The following EBF1 variants were observed in gnomAD, a reference collection of about 807,000 sequenced individuals.
The protein encoded by EBF1 is transcription factor COE1.
A neutral mutation model predicts 68.4 loss-of-function variants in EBF1; 10 were observed. That is an observed-to-expected ratio of 0.15 (90% CI 0.09 to 0.25). EBF1 has a LOEUF of 0.25. EBF1 is among the 10% of genes least tolerant of loss of function. The probability of loss-of-function intolerance (pLI) is 1.00; values close to 1 mark genes in which losing one functional copy is unlikely to be tolerated. For synonymous variants in EBF1, 298 were observed against 299.8 expected, an observed-to-expected ratio of 0.99 and a Z score of 0.06; for missense variants, 509 against 794.4, an observed-to-expected ratio of 0.64 and a Z score of 4.32.
chr5:158,828,001 G>A (rs1786579108), intron 7 of EBF1, among the ~76,000 whole-genome samples: 1 of 152,054 alleles, frequency 6.6e-6, no homozygotes, highest in South Asian at 2.1e-4. Flanking sequence ...CTGATACATG[G>A]TAACTCAGTA....
intron 8 of EBF1, among the ~76,000 whole-genome samples, chr5:158,808,115 C>T (rs926201165): frequency 6.6e-5 from 10 of 152,212 alleles, no homozygotes; most frequent in South Asian, 6.2e-4. Flanking sequence ...CAGATGTTTC[C>T]GTGGTGATGA....
intron 14 of EBF1, 133 bp from the exon 15 acceptor site, chr5:158,708,306 T>G (rs1226455217): frequency 3.5e-6 from 3 of 862,252 alleles, no homozygotes; most frequent in Non-Finnish European, 5.3e-6. Context: ...AAACCTTCCC[T>G]GAATTCGCAG....
rs374533175 is a variant in EBF1 at position 158,712,168 on chromosome 5, T to G, written c.1535A>C (p.Asn512Thr). 6.2e-7 allele frequency: 1 copy of G among 1,613,550 alleles called. No homozygotes were observed. Among genetic ancestry groups the G allele is most frequent in the Non-Finnish European group, 8.5e-7 (1 of 1,179,844 alleles). The change falls in exon 14 of 16, where the codon AAC becomes ACC. Residue 512 changes from asparagine to threonine, a missense_variant. By Grantham distance (65) the Asn-to-Thr change is moderately conservative. Around this residue, in one of 3 missense-constraint regions of EBF1, gnomAD observed 205 missense variants for 247.4 expected, o/e 0.83. Coordinates refer to ENST00000313708, the MANE Select transcript of EBF1 (RefSeq NM_024007.5). ...TCTCTACTTACTGGCATAGGGGGAG[T>G]TGGCAGCTGAGCCGTTGAGGAAGGT... The part of the protein sequence containing the change: ...SPTFLNGSAA[N>T]SPYAIVPSSP...
intron 10 of EBF1, among the ~76,000 whole-genome samples, chr5:158,765,967 CA>C (rs1280343133): frequency 6.6e-6 from 1 of 151,976 alleles, no homozygotes; most frequent in African/African-American, 2.4e-5. Context: ...CCCTGCCCTC[CA>C]AAAAAAGTTA....
intron 6 of EBF1, among the ~76,000 whole-genome samples, chr5:158,968,538 T>G (rs1490789197): frequency 6.6e-6 from 1 of 152,156 alleles, no homozygotes; most frequent in Non-Finnish European, 1.5e-5. Flanking sequence ...AGAGACAAAG[T>G]GGAACAGGCA....
At chr5:158,752,415 T>C (rs146995479) in intron 10 of EBF1, among the ~76,000 whole-genome samples, 3 of 151,072 alleles carry the variant, frequency 2.0e-5, no homozygotes, top group Non-Finnish European at 4.4e-5. Context: ...CAGAAAGCTT[T>C]AGAAATGGAG....
At position 158,774,353 on chromosome 5, in the gene EBF1, C is replaced by CT. The variant is rs374851684; in HGVS notation, c.1036+3059dup. On this transcript the variant is annotated intron_variant, in intron 10 of 15. Coordinates refer to ENST00000313708, the MANE Select transcript of EBF1 (RefSeq NM_024007.5). ...AGGCCATGCTGTTCCTGCCTTTTTT[C>CT]TTTTTTTTTAATGTTATGGACTTTT... 2.3e-4 allele frequency among the ~76,000 whole-genome samples: 35 copies of CT among 151,030 alleles called. 1 individual carries two copies. The highest frequency in any genetic ancestry group is 5.3e-4 in the Admixed American group (8 of 15,166).
At chr5:158,944,132 T>C (rs1814128718) in intron 6 of EBF1, among the ~76,000 whole-genome samples, 1 of 152,206 alleles carries the variant, frequency 6.6e-6, no homozygotes, top group South Asian at 2.1e-4. Flanking sequence ...GCAGGTTTGT[T>C]ACATAGGTAT....
intron 4 of EBF1, among the ~76,000 whole-genome samples, chr5:159,088,214 C>T (rs559715393): frequency 1.3e-4 from 20 of 152,200 alleles, no homozygotes; most frequent in East Asian, 7.7e-4. Flanking sequence ...GGTATGGGCA[C>T]GGAAATCAAC....
intron 6 of EBF1, among the ~76,000 whole-genome samples, chr5:158,967,758 C>A (rs988973744): frequency 1.3e-5 from 2 of 152,160 alleles, no homozygotes; most frequent in African/African-American, 4.8e-5. Context: ...CACATGTTAG[C>A]CCTGCTTCTG....
chr5:158,801,741 G>A (rs1780628649), intron 8 of EBF1, among the ~76,000 whole-genome samples: 1 of 151,594 alleles, frequency 6.6e-6, no homozygotes, highest in African/African-American at 2.4e-5. Context: ...TCTGTGTGCA[G>A]ACAACTGCAC....
chr5:158,958,007 G>C (rs542140990), intron 6 of EBF1, among the ~76,000 whole-genome samples: 1 of 152,150 alleles, frequency 6.6e-6, no homozygotes, highest in South Asian at 2.1e-4. Flanking sequence ...AAACCTGCCT[G>C]AAATGAAAAA....
At chr5:158,700,105 G>C (rs1756409804) in intron 15 of EBF1, among the ~76,000 whole-genome samples, 1 of 152,222 alleles carries the variant, frequency 6.6e-6, no homozygotes, top group Non-Finnish European at 1.5e-5. Context: ...GGACCTGATA[G>C]ACGTTAGCTG....
At chr5:159,089,383 G>A (rs989682365) in intron 4 of EBF1, among the ~76,000 whole-genome samples, 2 of 152,096 alleles carry the variant, frequency 1.3e-5, no homozygotes, top group Non-Finnish European at 2.9e-5. Context: ...AAACCTGCCT[G>A]AGTTGCCACT....
intron 6 of EBF1, among the ~76,000 whole-genome samples, chr5:159,066,914 G>A (rs963439744): frequency 1.1e-4 from 17 of 152,142 alleles, no homozygotes; most frequent in Non-Finnish European, 2.4e-4. Flanking sequence ...GTAGTTACGC[G>A]GTTTGTAAAG....
At chr5:158,883,627 C>T (rs1469622079) in intron 6 of EBF1, among the ~76,000 whole-genome samples, 1 of 152,034 alleles carries the variant, frequency 6.6e-6, no homozygotes, top group Admixed American at 6.6e-5. Context: ...ATTACCATCT[C>T]CAAGTCTCAC....
intron 15 of EBF1, 72 bp from the exon 16 acceptor site, chr5:158,699,214 T>C: frequency 8.7e-7 from 1 of 1,152,098 alleles, no homozygotes; most frequent in South Asian, 1.7e-5. Flanking sequence ...TAATGAAGAC[T>C]AAAAAAAAAA....
At chr5:159,087,271 C>CACACATATATATATAT (rs1250743915) in intron 4 of EBF1, among the ~76,000 whole-genome samples, 1 of 146,870 alleles carries the variant, frequency 6.8e-6, no homozygotes, top group Non-Finnish European at 1.5e-5. Context: ...TATATATACA[C>CACACATATATATATAT]ACACACATAT....
intron 7 of EBF1, among the ~76,000 whole-genome samples, chr5:158,825,367 G>A (rs1785845467): frequency 6.6e-6 from 1 of 151,998 alleles, no homozygotes; most frequent in African/African-American, 2.4e-5. Context: ...GATTTACTAT[G>A]AGACCACAAT....
Sources: gnomAD v4.1 joint callset for allele counts (sites outside exome capture counted in the v4.1 genomes callset) on GRCh38, gnomAD v4.1.1 for gene constraint, gnomAD v4.1.1 regional missense constraint, MANE v1.5 for transcripts, NCBI Gene and HGNC (gene_info 2026-07-23, HGNC 2026-07-21) for gene names.